Variants in SCD5 observed in about 807,000 individuals in gnomAD.
SCD5 encodes the protein acyl-CoA-desaturase 4.
SCD5 carries 20 observed loss-of-function variants against 30.4 expected under a neutral mutation model. That is an observed-to-expected ratio of 0.66 (90% CI 0.46 to 0.96). The LOEUF is 0.96. Among genes scored for constraint, SCD5 ranks in the 40% least tolerant of loss-of-function variants. The pLI is 0.00. For synonymous variants in SCD5, 173 were observed against 176.4 expected, an observed-to-expected ratio of 0.98 and a Z score of 0.16; for missense variants, 381 against 443.3, an observed-to-expected ratio of 0.86 and a Z score of 1.26.
At chr4:82,685,957 G>A (rs984502155) in intron 2 of SCD5, among the ~76,000 whole-genome samples, 4 of 151,688 alleles carry the variant, frequency 2.6e-5, no homozygotes, top group East Asian at 3.9e-4. Context: ...GTAGCCACAC[G>A]TAGCTAGTGA....
chr4:82,755,029 A>G (rs761826533), intron 1 of SCD5, among the ~76,000 whole-genome samples: 1 of 151,126 alleles, frequency 6.6e-6, no homozygotes, highest in Non-Finnish European at 1.5e-5. Flanking sequence ...CACTCAGTAG[A>G]CCAGATGGGA....
At chr4:82,770,757 T>G (rs1360834466) in intron 1 of SCD5, among the ~76,000 whole-genome samples, 1 of 152,198 alleles carries the variant, frequency 6.6e-6, no homozygotes, top group African/African-American at 2.4e-5. Context: ...CTGAGAACTT[T>G]TCCCAGTCCA....
intron 1 of SCD5, among the ~76,000 whole-genome samples, chr4:82,791,538 G>C (rs1467797892): frequency 6.6e-6 from 1 of 152,206 alleles, no homozygotes; most frequent in Non-Finnish European, 1.5e-5. Context: ...GAGGGAATGA[G>C]CGAAGTGAAA....
At chr4:82,671,113 G>A (rs1287279925) in intron 3 of SCD5, among the ~76,000 whole-genome samples, 2 of 152,124 alleles carry the variant, frequency 1.3e-5, no homozygotes, top group African/African-American at 4.8e-5. Context: ...AGACAGAGCA[G>A]ACTTCAAAAC....
At chr4:82,736,701 G>A (rs1263203133) in intron 1 of SCD5, among the ~76,000 whole-genome samples, 1 of 151,914 alleles carries the variant, frequency 6.6e-6, no homozygotes, top group Non-Finnish European at 1.5e-5. Context: ...GTCTTGCTCT[G>A]TTGCCCAGGC....
At chr4:82,673,615 A>G (rs1728373876) in intron 3 of SCD5, among the ~76,000 whole-genome samples, 2 of 152,296 alleles carry the variant, frequency 1.3e-5, no homozygotes, top group Non-Finnish European at 2.9e-5. Context: ...ATTCCAATCA[A>G]AATCCCAGCA....
At chr4:82,692,808 C>T (rs933322186) in intron 2 of SCD5, among the ~76,000 whole-genome samples, 4 of 152,232 alleles carry the variant, frequency 2.6e-5, no homozygotes, top group Admixed American at 2.0e-4. Flanking sequence ...CGCTGAGGAA[C>T]AGCAGCCCTC....
intron 1 of SCD5, among the ~76,000 whole-genome samples, chr4:82,724,905 T>C (rs1720440593): frequency 6.6e-6 from 1 of 152,242 alleles, no homozygotes; most frequent in Non-Finnish European, 1.5e-5. Context: ...CATGGCATTT[T>C]GTTTTTCCTA....
chr4:82,792,855 G>T (rs1722128238), intron 1 of SCD5, among the ~76,000 whole-genome samples: 1 of 152,188 alleles, frequency 6.6e-6, no homozygotes, highest in Non-Finnish European at 1.5e-5. Flanking sequence ...AGCAATGTCA[G>T]GATTCGCACT....
chr4:82,745,462 A>T (rs1466732309), intron 1 of SCD5, among the ~76,000 whole-genome samples: 1 of 152,222 alleles, frequency 6.6e-6, no homozygotes, highest in Non-Finnish European at 1.5e-5. Context: ...AGGCAGGCTG[A>T]TGTGTCCATC....
At chr4:82,743,625 G>A (rs1444732266) in intron 1 of SCD5, among the ~76,000 whole-genome samples, 1 of 152,000 alleles carries the variant, frequency 6.6e-6, no homozygotes, top group Non-Finnish European at 1.5e-5. Flanking sequence ...AGGCTTGAGC[G>A]ACCCTCCCAC....
At chr4:82,679,230 A>AAGAAAGAAAGAG (rs1560531619) in intron 3 of SCD5, among the ~76,000 whole-genome samples, 2,704 of 33,760 alleles carry the variant, frequency 0.08, 263 homozygotes, top group East Asian at 0.11. Context: ...AAAAGAAAGA[A>AAGAAAGAAAGAG]AGAAAGAAAG....
intron 1 of SCD5, among the ~76,000 whole-genome samples, chr4:82,784,071 G>A (rs1259285455): frequency 6.6e-6 from 1 of 152,142 alleles, no homozygotes; most frequent in East Asian, 1.9e-4. Context: ...GAGGCAAGAT[G>A]TCAGCTGGCG....
rs143743015 is a variant in SCD5, at chr4:82,695,472, A to C, written c.363+9811T>G. On this transcript the variant is annotated intron_variant, in intron 2 of 4. Transcript: ENST00000319540. ...ATAGAACTGAAGGGATTGGCTTAAA[A>C]ATTGGTGAGGGATAACTAGGGAAAT... Among the ~76,000 whole-genome samples, 443 of 152,254 alleles carry C rather than the reference A, an allele frequency of 2.9e-3. 3 individuals carry two copies. The highest frequency in any genetic ancestry group is 0.01 in the Middle Eastern group (3 of 294).
At chr4:82,637,018 A>G (rs1577999534) in intron 3 of SCD5, among the ~76,000 whole-genome samples, 195 bp from the exon 4 acceptor site, 2 of 152,330 alleles carry the variant, frequency 1.3e-5, no homozygotes, top group East Asian at 3.9e-4. Flanking sequence ...TAGGCAGGTA[A>G]CATAAATTTG....
chr4:82,669,026 A>T (rs1728249403), intron 3 of SCD5, among the ~76,000 whole-genome samples: 1 of 152,204 alleles, frequency 6.6e-6, no homozygotes, highest in Admixed American at 6.5e-5. Flanking sequence ...CCTTCATGGC[A>T]AATGGACTGA....
intron 1 of SCD5, among the ~76,000 whole-genome samples, chr4:82,754,736 C>T (rs924449858): frequency 2.1e-4 from 32 of 152,226 alleles, no homozygotes; most frequent in African/African-American, 7.5e-4. Context: ...AGAGTGGTTG[C>T]TGGAAAGTGG....
intron 1 of SCD5, among the ~76,000 whole-genome samples, chr4:82,796,724 C>T (rs1722228994): frequency 6.6e-6 from 1 of 152,116 alleles, no homozygotes; most frequent in Admixed American, 6.5e-5. Flanking sequence ...AGGACCAAGC[C>T]CAGCCCTGCC....
intron 2 of SCD5, among the ~76,000 whole-genome samples, chr4:82,698,881 T>C (rs1296368179): frequency 1.3e-5 from 2 of 152,202 alleles, no homozygotes; most frequent in Non-Finnish European, 2.9e-5. Flanking sequence ...TCTGAATACA[T>C]TTGTTTGTTC....
Sources: gnomAD v4.1 joint callset for allele counts (sites outside exome capture counted in the v4.1 genomes callset) on GRCh38, gnomAD v4.1.1 for gene constraint, MANE v1.5 for transcripts, NCBI Gene and HGNC (gene_info 2026-07-23, HGNC 2026-07-21) for gene names.